The following CCDC197 variants were observed in gnomAD, a reference collection of about 807,000 sequenced individuals.
The protein encoded by CCDC197 is coiled-coil domain containing 197.
In CCDC197, 24 loss-of-function variants were observed where a neutral mutation model predicts 13.4. The observed-to-expected ratio is 1.80, with a 90% CI of 1.30 to 2.53. CCDC197 has a LOEUF of 2.53. Ranked by LOEUF, CCDC197 falls within the 30% of genes most tolerant of loss-of-function variation. The pLI, the probability that CCDC197 is intolerant of heterozygous loss-of-function variation, is 0.00. For synonymous variants in CCDC197, 99 were observed against 55.5 expected (o/e 1.78, Z -3.48); for missense variants, 255 against 148.8 (o/e 1.71, Z -3.71).
chr14:93,993,491 A>G (rs1173080824), upstream of CCDC197, among the ~76,000 whole-genome samples: 1 of 152,172 alleles, frequency 6.6e-6, no homozygotes, highest in Non-Finnish European at 1.5e-5. Context: ...AAACTCAGAG[A>G]GGTCAGTACT....
Position 94,008,675 on chromosome 14 carries a change from T to A in CCDC197, c.682T>A (p.Trp228Arg), listed in dbSNP as rs1890752134. 1 of 703,074 alleles carries A rather than the reference T, an allele frequency of 1.4e-6. No individual in the cohort carries two copies. The highest frequency in any genetic ancestry group is 2.0e-5 in the Admixed American group (1 of 50,030). The allele number at this position is 703,074 out of a possible 1,614,324, so 43.6% of individuals were successfully genotyped here. Residue 228 changes from tryptophan to arginine, a missense_variant, in exon 7 of 7, where the codon TGG becomes AGG. Trp to Arg is a moderately radical substitution (Grantham distance 101, BLOSUM62 -3). Coordinates refer to ENST00000636493, the MANE Select transcript of CCDC197 (RefSeq NM_001351596.2). ...IALLTEPKVCWSWDSFGDQWL... is the reference protein window; with the variant it reads ...IALLTEPKVCRSWDSFGDQWL... ...ACTGCTCACGGAACCCAAAGTGTGC[T>A]GGTCATGGGACAGCTTCGGGGACCA... is the stretch of plus-strand genomic sequence containing the variant.
At chr14:93,999,687 A>AAAG (rs1435379249) in intron 3 of CCDC197, 22 bp downstream of exon 3, 4 of 780,570 alleles carry the variant, frequency 5.1e-6, no homozygotes, top group African/African-American at 5.1e-5. Flanking sequence ...GCTTCCTCGG[A>AAAG]AAGCCCTTTC....
rs554807957 is a variant in CCDC197 at position 93,999,459 on chromosome 14, T to C, written c.105-124T>C. ...CTAAGTCTATGGCCAACTGATAAAGTGGTACGTGGCCGGCCCAGTGCACGT... is the reference window on the plus strand; with the variant it reads ...CTAAGTCTATGGCCAACTGATAAAGCGGTACGTGGCCGGCCCAGTGCACGT... On this transcript the variant is annotated intron_variant, in intron 2 of 6. Coordinates refer to ENST00000636493, the MANE Select transcript of CCDC197 (RefSeq NM_001351596.2). The C allele has an allele frequency of 1.0e-4, 67 of 670,574 alleles. No individual in the cohort carries two copies. The Admixed American group carries it at 1.4e-3, about 14-fold the overall frequency. 41.5% of individuals were successfully genotyped at this position (670,574 alleles called of 1,614,324 possible).
At chr14:93,993,886 C>A (rs956605245), upstream of CCDC197, among the ~76,000 whole-genome samples, 3 of 152,172 alleles carry the variant, frequency 2.0e-5, no homozygotes, top group African/African-American at 7.2e-5. Context: ...AGGTGAGAGA[C>A]CTGCGCCCCT....
rs140907900 is a variant in CCDC197, at chr14:94,000,960, G to A, written c.188-185G>A. 3,951 of 407,308 alleles carry A rather than the reference G, an allele frequency of 9.7e-3. 126 individuals carry two copies. The African/African-American group carries it at 0.1, about 11-fold the overall frequency. The allele number at this position is 407,308 out of a possible 1,614,324, so 25.2% of individuals were successfully genotyped here. ...AGGATTCCCTTGAAGTGGAGGGGGC[G>A]GGAGGGCGGGGGGGCGGGTGTGGAT... On this transcript the variant is annotated intron_variant, in intron 3 of 6. Coordinates refer to ENST00000636493, the MANE Select transcript of CCDC197 (RefSeq NM_001351596.2).
intron 3 of CCDC197, among the ~76,000 whole-genome samples, chr14:94,000,169 ATTG>A (rs1890450954): frequency 6.6e-6 from 1 of 152,158 alleles, no homozygotes; most frequent in Non-Finnish European, 1.5e-5. Context: ...ACACATATTT[ATTG>A]TTATCATTAT....
At chr14:93,998,960 T>C (rs1890406655) in intron 2 of CCDC197, among the ~76,000 whole-genome samples, 1 of 152,218 alleles carries the variant, frequency 6.6e-6, no homozygotes, top group African/African-American at 2.4e-5. Flanking sequence ...AGCCCCACTC[T>C]GGTCTCTGCC....
At chr14:93,991,977 A>G (rs1042502524) in intron 1 of CCDC197, among the ~76,000 whole-genome samples, 6 of 152,260 alleles carry the variant, frequency 3.9e-5, no homozygotes, top group Non-Finnish European at 7.3e-5. Context: ...TGCTGTAGCC[A>G]GCTCAGACCA....
chr14:94,010,189 GTGTTTGTT>G (rs57817095), downstream of CCDC197, among the ~76,000 whole-genome samples: 4 of 151,102 alleles, frequency 2.6e-5, no homozygotes, highest in South Asian at 8.4e-4. Flanking sequence ...ATATTTTGGG[GTGTTTGTT>G]TGTTTGTTTG....
rs999222490 is a variant in CCDC197 at position 94,000,975 on chromosome 14, C to T, written c.188-170C>T. 3.6e-5 allele frequency: 12 copies of T among 329,356 alleles called. No individual in the cohort carries two copies. In the East Asian group the frequency reaches 3.7e-4, roughly 10 times the overall value. The allele number at this position is 329,356 out of a possible 1,614,324, so 20.4% of individuals were successfully genotyped here. On this transcript the variant is annotated intron_variant, in intron 3 of 6. Coordinates refer to ENST00000636493, the MANE Select transcript of CCDC197 (RefSeq NM_001351596.2). ...TGGAGGGGGCGGGAGGGCGGGGGGG[C>T]GGGTGTGGATGGCAAGCCCGGGACC...
chr14:93,994,829 A>C (rs1193545145), upstream of CCDC197, among the ~76,000 whole-genome samples: 1 of 152,186 alleles, frequency 6.6e-6, no homozygotes. Context: ...GACTGTCCCC[A>C]GTGAAGGTCC....
At chr14:93,996,562 G>A (rs931563277), upstream of CCDC197, among the ~76,000 whole-genome samples, 2 of 152,102 alleles carry the variant, frequency 1.3e-5, 1 homozygote, top group Admixed American at 1.3e-4. Flanking sequence ...CCCCACTCTG[G>A]CTCAGGCCCT....
chr14:93,989,498 C>T (rs939706391), intron 1 of CCDC197, among the ~76,000 whole-genome samples: 1 of 152,160 alleles, frequency 6.6e-6, no homozygotes, highest in East Asian at 1.9e-4. Flanking sequence ...CAGTGGGGCA[C>T]ATGGATGGCC....
In CCDC197 at chr14:94,004,249, C is replaced by T. The variant is rs192768505; in HGVS notation, c.499-606C>T. 1.6e-4 allele frequency among the ~76,000 whole-genome samples: 24 copies of T among 152,260 alleles called. No individual in the cohort carries two copies. In the East Asian group the frequency reaches 2.7e-3, roughly 17 times the overall value. On this transcript the variant is annotated intron_variant, in intron 5 of 6. Transcript: ENST00000636493. Reference sequence around the variant, plus strand: ...CAACAGTCTATGTTCTTCTGGCCTCCGGGACTGCGGGAGGACAGTTAGGAC... The same window carrying T: ...CAACAGTCTATGTTCTTCTGGCCTCTGGGACTGCGGGAGGACAGTTAGGAC...
At chr14:94,001,909 G>A (rs1319394703) in intron 4 of CCDC197, among the ~76,000 whole-genome samples, 1 of 152,174 alleles carries the variant, frequency 6.6e-6, no homozygotes, top group East Asian at 1.9e-4. Flanking sequence ...ATGACCAGCC[G>A]GTTGGTTCAC....
At chr14:93,998,584 T>C (rs957469724) in intron 2 of CCDC197, among the ~76,000 whole-genome samples, 3 of 152,156 alleles carry the variant, frequency 2.0e-5, no homozygotes, top group African/African-American at 7.2e-5. Context: ...CTCTTAGTGG[T>C]GACCCTGGGT....
intron 4 of CCDC197, chr14:94,001,732 A>G (rs1469562132): frequency 8.1e-5 from 13 of 160,214 alleles, no homozygotes; most frequent in Admixed American, 7.7e-4. Context: ...AGTAAGTGCC[A>G]GAGACATCAT....
intron 2 of CCDC197, among the ~76,000 whole-genome samples, chr14:93,999,093 T>C (rs900609599): frequency 6.6e-6 from 1 of 152,176 alleles, no homozygotes; most frequent in African/African-American, 2.4e-5. Context: ...TGGGGGCTGG[T>C]GGGGCCCCCA....
At chr14:93,994,629 C>T (rs1350144127), upstream of CCDC197, among the ~76,000 whole-genome samples, 2 of 152,230 alleles carry the variant, frequency 1.3e-5, no homozygotes, top group East Asian at 3.8e-4. Context: ...ATGAAATTGT[C>T]ACTGGAAAAC....
Sources: gnomAD v4.1 joint callset for allele counts (sites outside exome capture counted in the v4.1 genomes callset) on GRCh38, gnomAD v4.1.1 for gene constraint, MANE v1.5 for transcripts, NCBI Gene and HGNC (gene_info 2026-07-23, HGNC 2026-07-21) for gene names.